GAPVD1: variants seen among roughly 807,000 people sequenced by gnomAD.
GAPVD1 encodes the protein GTPase activating protein and VPS9 domains 1.
A neutral mutation model predicts 155.5 loss-of-function variants in GAPVD1; 35 were observed. The ratio of observed to expected loss-of-function variants is 0.23; its 90% CI spans 0.17 to 0.30. The LOEUF is 0.30. GAPVD1 is among the 10% of genes least tolerant of loss of function. The pLI is 1.00. For synonymous variants in GAPVD1, 636 were observed against 619.7 expected (o/e 1.03, Z -0.39); for missense variants, 1,429 against 1,775.7 (o/e 0.80, Z 3.51).
chr9:125,342,308 AC>A lies in GAPVD1; in HGVS notation c.3046+12del. 1 of 1,471,428 alleles carries A rather than the reference AC, an allele frequency of 6.8e-7. No homozygotes were observed. Among genetic ancestry groups the A allele is most frequent in the Non-Finnish European group, 9.5e-7 (1 of 1,051,066 alleles). 91.1% of individuals were successfully genotyped at this position (1,471,428 alleles called of 1,614,324 possible). A position where few individuals can be genotyped will look rare whatever the true frequency, so the allele number is the denominator to read the frequency against. On this transcript the variant is annotated intron_variant, in intron 19 of 27. Transcript: ENST00000297933. ...ATTCTCAACACTCACAGGTTTGTAGACCCATGGACTTCCTGGCTCCTTCATT... is the reference window on the plus strand; with the variant it reads ...ATTCTCAACACTCACAGGTTTGTAGACCATGGACTTCCTGGCTCCTTCATT...
intron 2 of GAPVD1, among the ~76,000 whole-genome samples, chr9:125,280,486 G>T (rs1266131264): frequency 6.6e-6 from 1 of 150,802 alleles, no homozygotes; most frequent in Non-Finnish European, 1.5e-5. Context: ...CCTGAAATGT[G>T]TGGTAGTTAT....
Position 125,350,884 on chromosome 9 carries a change from C to T in GAPVD1, c.3569+12C>T, listed in dbSNP as rs779014607. 4.4e-6 allele frequency: 7 copies of T among 1,588,080 alleles called. No homozygotes were observed. The highest frequency in any genetic ancestry group is 1.8e-5 in the Admixed American group (1 of 55,454). On this transcript the variant is annotated intron_variant, in intron 23 of 27. Transcript: ENST00000297933. ...GCTGAGGACTACAGGTAATATACCCCACCTGTTCAGCTTTTAAACCTAGTT... is the reference window on the plus strand; with the variant it reads ...GCTGAGGACTACAGGTAATATACCCTACCTGTTCAGCTTTTAAACCTAGTT...
chr9:125,306,983 A>G (rs1841931715), intron 6 of GAPVD1, among the ~76,000 whole-genome samples: 1 of 152,046 alleles, frequency 6.6e-6, no homozygotes, highest in Admixed American at 6.6e-5. Flanking sequence ...TACAAAAATT[A>G]GGTCAGGCGG....
chr9:125,360,545 A>C lies in GAPVD1; in HGVS notation c.4062A>C (p.Ala1354=). The C allele has an allele frequency of 6.2e-7, 1 of 1,613,980 alleles. No individual in the cohort carries two copies. Among genetic ancestry groups the C allele is most frequent in the Non-Finnish European group, 8.5e-7 (1 of 1,179,858 alleles). ...TCACTTAGGTTTATCTTCGAGAAGC[A>C]CCATGGCCATCTGCACAATCAGAAA... ...LQIPEVYLRE[A]PWPSAQSEIR... The change falls in exon 27 of 28, where the codon GCA becomes GCC. Residue 1354 remains alanine, a synonymous_variant. Transcript: ENST00000297933.
chr9:125,307,627 G>A (rs549044455), intron 7 of GAPVD1, 64 bp from the exon 8 acceptor site: 5 of 1,556,530 alleles, frequency 3.2e-6, no homozygotes, highest in Non-Finnish European at 4.4e-6. Context: ...AGTACATTGT[G>A]TGGGAAATAC....
At chr9:125,351,267 C>T (rs1297720614) in intron 23 of GAPVD1, among the ~76,000 whole-genome samples, 4 of 152,190 alleles carry the variant, frequency 2.6e-5, no homozygotes, top group Admixed American at 6.5e-5. Context: ...CCCATTGATT[C>T]AATTACCTCC....
At chr9:125,323,655 T>TCA in intron 10 of GAPVD1, 143 bp from the exon 11 acceptor site, 2 of 734,224 alleles carry the variant, frequency 2.7e-6, no homozygotes, top group Admixed American at 5.0e-5. Flanking sequence ...GCAGAATTTC[T>TCA]CAAAGGGCAT....
At chr9:125,264,533 C>T (rs1446350388) in intron 1 of GAPVD1, among the ~76,000 whole-genome samples, 3 of 152,002 alleles carry the variant, frequency 2.0e-5, no homozygotes, top group African/African-American at 4.8e-5. Flanking sequence ...ATAGATATTT[C>T]ATTCAGGGTA....
intron 2 of GAPVD1, among the ~76,000 whole-genome samples, chr9:125,277,225 G>A (rs941532819): frequency 1.2e-4 from 18 of 152,308 alleles, no homozygotes; most frequent in African/African-American, 4.1e-4. Context: ...CAGTCACTGT[G>A]CTAAGTAATG....
intron 2 of GAPVD1, among the ~76,000 whole-genome samples, chr9:125,285,868 G>T (rs1456508010): frequency 4.6e-5 from 7 of 151,988 alleles, no homozygotes; most frequent in African/African-American, 1.7e-4. Context: ...GAGTGCAGTG[G>T]CTCAGTCTTG....
chr9:125,345,000 G>A (rs1322546673), intron 19 of GAPVD1, among the ~76,000 whole-genome samples: 1 of 151,984 alleles, frequency 6.6e-6, no homozygotes, highest in Non-Finnish European at 1.5e-5. Context: ...TTGTCCTTCA[G>A]CATACTCAGG....
chr9:125,325,530 A>C (rs1327894805), intron 11 of GAPVD1, among the ~76,000 whole-genome samples: 3 of 151,720 alleles, frequency 2.0e-5, no homozygotes, highest in African/African-American at 7.3e-5. Context: ...AAAAAAAAAA[A>C]AAAAAAAAAG....
At chr9:125,285,895 A>T (rs1337906589) in intron 2 of GAPVD1, among the ~76,000 whole-genome samples, 4 of 149,110 alleles carry the variant, frequency 2.7e-5, no homozygotes, top group Non-Finnish European at 3.0e-5. Flanking sequence ...TGCAGCATTG[A>T]CCTCCCTGCT....
At chr9:125,317,268 A>G (rs1843572521) in intron 9 of GAPVD1, among the ~76,000 whole-genome samples, 1 of 151,612 alleles carries the variant, frequency 6.6e-6, no homozygotes, top group South Asian at 2.1e-4. Flanking sequence ...CAGTGAGCCA[A>G]GATTGCGCCA....
Position 125,346,803 on chromosome 9 carries a change from C to T in GAPVD1, c.3047-16C>T, listed in dbSNP as rs1848577085. 6.2e-7 allele frequency: 1 copy of T among 1,610,250 alleles called. No homozygotes were observed. The highest frequency in any genetic ancestry group is 8.5e-7 in the Non-Finnish European group (1 of 1,176,564). On this transcript the variant is annotated splice_polypyrimidine_tract_variant and intron_variant, in intron 19 of 27. Transcript: ENST00000297933. ...AACCCAAGGGGCTAATTCTCTCACT[C>T]TCCTTTCCCTTGCAGATGATCCCAG...
chr9:125,304,053 T>A (rs1841398235), intron 5 of GAPVD1: 1 of 151,952 alleles, frequency 6.6e-6, no homozygotes, highest in African/African-American at 2.4e-5. Flanking sequence ...AACAGTAGGT[T>A]TTTTTTTGTT....
Position 125,362,754 on chromosome 9 carries a change from C to T in GAPVD1, c.*8C>T. The stretch of plus-strand genomic sequence containing the variant: ...ATCGATGACCGAAAGTGACCAAGAC[C>T]AAGGCCCACCAAGGCAGCAGACTGT... On this transcript the variant is annotated 3_prime_UTR_variant, in exon 28 of 28. Coordinates refer to ENST00000297933, the MANE Select transcript of GAPVD1 (RefSeq NM_001282680.3). 1 of 1,610,970 alleles carries T rather than the reference C, an allele frequency of 6.2e-7. No homozygotes were observed. Among genetic ancestry groups the T allele is most frequent in the Non-Finnish European group, 8.5e-7 (1 of 1,178,470 alleles).
chr9:125,318,301 A>C (rs1446971206), intron 9 of GAPVD1, among the ~76,000 whole-genome samples: 1 of 152,156 alleles, frequency 6.6e-6, no homozygotes, highest in Non-Finnish European at 1.5e-5. Flanking sequence ...TTTTTTTAGC[A>C]CTCAGATTCT....
At chr9:125,284,334 A>T (rs1008055235) in intron 2 of GAPVD1, among the ~76,000 whole-genome samples, 19 of 151,284 alleles carry the variant, frequency 1.3e-4, no homozygotes, top group Non-Finnish European at 2.5e-4. Context: ...GCACACCACC[A>T]TGCCCAGCTA....
Sources: allele counts gnomAD v4.1 joint callset (sites outside exome capture counted in the v4.1 genomes callset), GRCh38; gene constraint gnomAD v4.1.1; transcripts MANE v1.5; gene names NCBI Gene and HGNC (gene_info 2026-07-23, HGNC 2026-07-21).